Variants in GINM1 observed in about 807,000 individuals in gnomAD.
GINM1 encodes glycoprotein integral membrane protein 1.
A neutral mutation model predicts 37.8 loss-of-function variants in GINM1; 29 were observed. The observed-to-expected ratio is 0.77, with a 90% CI of 0.57 to 1.05. The LOEUF (loss-of-function observed/expected upper bound fraction) is 1.05. GINM1 is among the 50% of genes least tolerant of loss of function. GINM1 has a pLI of 0.00. For missense variants in GINM1, 377 were observed against 397.9 expected (o/e 0.95, Z 0.45); for synonymous variants, 143 against 146.2 (o/e 0.98, Z 0.16).
In GINM1 at chr6:149,566,420, G is replaced by A; in HGVS notation, c.6G>A (p.Glu2=). 6.4e-7 allele frequency: 1 copy of A among 1,568,984 alleles called. No individual in the cohort carries two copies. The highest frequency in any genetic ancestry group is 8.6e-7 in the Non-Finnish European group (1 of 1,168,320). Residue 2 remains glutamate (E), a synonymous_variant, in exon 1 of 8, where the codon GAG becomes GAA. Coordinates refer to ENST00000367419, the MANE Select transcript of GINM1 (RefSeq NM_138785.5). This position sits in a 1 kb window ranked among gnomAD's most constrained non-coding sequence, Gnocchi z 4.4. M[E]GAPPGSLALR... ...CTCTGCCCGGGTTGTCCAAGATGGA[G>A]GGCGCTCCACCGGGGTCGCTCGCCC... is the stretch of plus-strand genomic sequence containing the variant.
At chr6:149,588,686 G>A (rs928707179) in intron 7 of GINM1, among the ~76,000 whole-genome samples, 1 of 151,652 alleles carries the variant, frequency 6.6e-6, no homozygotes, top group Non-Finnish European at 1.5e-5. Context: ...TACAGTGGCA[G>A]TGCTATCAAG....
intron 5 of GINM1, 30 bp downstream of exon 5, chr6:149,580,020 T>A: frequency 7.3e-7 from 1 of 1,371,584 alleles, no homozygotes; most frequent in Non-Finnish European, 1.0e-6. Flanking sequence ...TTTAAAGTAT[T>A]AAGGAGATTA....
intron 4 of GINM1, 111 bp from the exon 5 acceptor site, chr6:149,579,723 G>T: frequency 4.9e-6 from 3 of 606,114 alleles, no homozygotes; most frequent in South Asian, 2.6e-5. Flanking sequence ...GTAATTGTCT[G>T]AATAGGACAC....
rs1470190583 is a variant in GINM1, at chr6:149,590,946, T to C, written c.*108T>C. Reference sequence around the variant, plus strand: ...AGAATCAGTTTATACACTAGAGAAATTGCTAAACTCTAAGACTGCCTGAAA... The same window carrying C: ...AGAATCAGTTTATACACTAGAGAAACTGCTAAACTCTAAGACTGCCTGAAA... On this transcript the variant is annotated 3_prime_UTR_variant, in exon 8 of 8. Coordinates refer to ENST00000367419, the MANE Select transcript of GINM1 (RefSeq NM_138785.5). 24 of 615,194 alleles carry C rather than the reference T, an allele frequency of 3.9e-5. No individual in the cohort carries two copies. In the East Asian group the frequency reaches 6.4e-4, roughly 16 times the overall value. 38.1% of individuals were successfully genotyped at this position (615,194 alleles called of 1,614,324 possible).
intron 3 of GINM1, 72 bp downstream of exon 3, chr6:149,572,675 GT>G (rs1777848253): frequency 1.0e-6 from 1 of 977,154 alleles, no homozygotes; most frequent in Admixed American, 1.9e-5. Context: ...GTTGTTGTTT[GT>G]TTTTTGAGAC....
chr6:149,575,336 T>A (rs539230499), intron 3 of GINM1, among the ~76,000 whole-genome samples: 1 of 152,256 alleles, frequency 6.6e-6, no homozygotes, highest in Non-Finnish European at 1.5e-5. Context: ...AACATCTCTT[T>A]GCCTTCATTT....
chr6:149,566,576 C>A lies in GINM1; in HGVS notation c.120+42C>A. ...CTGGCTGGCCGCTTTACGACTCCGACTCTCCGGGAGGCCCGGGCTGTCCAC... is the reference window on the plus strand; with the variant it reads ...CTGGCTGGCCGCTTTACGACTCCGAATCTCCGGGAGGCCCGGGCTGTCCAC... On this transcript the variant is annotated intron_variant, in intron 1 of 7. Coordinates refer to ENST00000367419, the MANE Select transcript of GINM1 (RefSeq NM_138785.5). This position sits in a 1 kb window ranked among gnomAD's most constrained non-coding sequence, Gnocchi z 4.4. 2 of 1,454,330 alleles carry A rather than the reference C, an allele frequency of 1.4e-6. No individual in the cohort carries two copies. Among genetic ancestry groups the A allele is most frequent in the South Asian group, 2.7e-5 (2 of 75,086 alleles). 90.1% of individuals were successfully genotyped at this position (1,454,330 alleles called of 1,614,324 possible).
intron 7 of GINM1, among the ~76,000 whole-genome samples, chr6:149,588,336 A>C (rs1438125832): frequency 6.6e-6 from 1 of 152,162 alleles, no homozygotes; most frequent in African/African-American, 2.4e-5. Context: ...TTCTCTCATG[A>C]CTTGCTTACG....
In GINM1 at chr6:149,582,430, C is replaced by T. The variant is rs755503170; in HGVS notation, c.718-10C>T. 7.5e-6 allele frequency: 12 copies of T among 1,596,834 alleles called. No individual in the cohort carries two copies. The South Asian group carries it at 1.3e-4, about 17-fold the overall frequency. On this transcript the variant is annotated splice_polypyrimidine_tract_variant and intron_variant, in intron 6 of 7. Transcript: ENST00000367419. ...GCAACTTGCATATCTAATCGAAATT[C>T]CTTTTTCAGGTAATGTGTCAGTGGA...
chr6:149,591,039 A>G lies in GINM1; in HGVS notation c.*201A>G, dbSNP rs1778147056. On this transcript the variant is annotated 3_prime_UTR_variant, in exon 8 of 8. Transcript: ENST00000367419. ...GCCGGGTGCAGTGGCTCATGCCTGT[A>G]ATCCCAGGACTTTGGGAGGCCAATG... The G allele has an allele frequency of 4.1e-6, 2 of 485,978 alleles. No homozygotes were observed. The highest frequency in any genetic ancestry group is 7.3e-6 in the Non-Finnish European group (2 of 274,898). 30.1% of individuals were successfully genotyped at this position (485,978 alleles called of 1,614,324 possible). A position where few individuals can be genotyped will look rare whatever the true frequency, so the allele number is the denominator to read the frequency against.
At chr6:149,568,426 C>G (rs1251957694) in intron 1 of GINM1, among the ~76,000 whole-genome samples, 1 of 152,222 alleles carries the variant, frequency 6.6e-6, no homozygotes, top group African/African-American at 2.4e-5. Flanking sequence ...TGTGTAAGTG[C>G]TGTCCAGTAG....
chr6:149,573,703 C>CA (rs535863513), intron 3 of GINM1, among the ~76,000 whole-genome samples: 14 of 151,476 alleles, frequency 9.2e-5, no homozygotes, highest in Admixed American at 9.2e-4. Context: ...CTTGTCTCTG[C>CA]AAAAAATACA....
chr6:149,585,662 G>A (rs1037698488), intron 7 of GINM1, among the ~76,000 whole-genome samples: 19 of 151,790 alleles, frequency 1.3e-4, no homozygotes, highest in African/African-American at 1.7e-4. Flanking sequence ...GCACAATCTC[G>A]GCTCGCTGCA....
intron 1 of GINM1, among the ~76,000 whole-genome samples, chr6:149,567,793 A>G (rs1272039412): frequency 1.3e-5 from 2 of 152,254 alleles, no homozygotes; most frequent in Non-Finnish European, 2.9e-5. Context: ...ATCTGAAATT[A>G]TATGTGGACC....
intron 1 of GINM1, among the ~76,000 whole-genome samples, chr6:149,567,309 A>G (rs1777736903): frequency 6.6e-6 from 1 of 152,194 alleles, no homozygotes; most frequent in Non-Finnish European, 1.5e-5. Flanking sequence ...TTTCAGTAGA[A>G]TGGTAGGGAA....
chr6:149,578,762 C>T (rs1777954293), intron 3 of GINM1, 60 bp from the exon 4 acceptor site: 1 of 1,144,156 alleles, frequency 8.7e-7, no homozygotes, highest in African/African-American at 1.5e-5. Flanking sequence ...AATAATCACA[C>T]TCACTCACAG....
intron 3 of GINM1, chr6:149,576,164 G>A (rs1015032862): frequency 6.6e-6 from 1 of 152,084 alleles, no homozygotes; most frequent in South Asian, 2.1e-4. Flanking sequence ...GGCTCAGCTG[G>A]GAAAAATCTG....
rs747382393 is a variant in GINM1, at chr6:149,579,967, C to A, written c.563C>A (p.Thr188Asn). 1 of 1,590,734 alleles carries A rather than the reference C, an allele frequency of 6.3e-7. No individual in the cohort carries two copies. The highest frequency in any genetic ancestry group is 8.5e-7 in the Non-Finnish European group (1 of 1,170,736). The change falls in exon 5 of 8, where the codon ACC becomes AAC. Residue 188 changes from threonine (T) to asparagine (N), a missense_variant. Coordinates refer to ENST00000367419, the MANE Select transcript of GINM1 (RefSeq NM_138785.5). ...SISRDSDILF[T>N]LPNLSKKESV... is the part of the protein sequence containing the mutation. ...TCTCGAGACAGTGACATTTTATTTA[C>A]CCTTCCTAACCTCTCCAAAAAAGGT...
At chr6:149,575,514 T>C (rs989435280) in intron 3 of GINM1, among the ~76,000 whole-genome samples, 2 of 152,258 alleles carry the variant, frequency 1.3e-5, no homozygotes, top group African/African-American at 2.4e-5. Flanking sequence ...CCACCTGTTC[T>C]GTCTGGGAGT....
Sources: gnomAD v4.1 joint callset for allele counts (sites outside exome capture counted in the v4.1 genomes callset) on GRCh38, gnomAD v4.1.1 for gene constraint, Gnocchi (gnomAD v3.1) non-coding constraint, MANE v1.5 for transcripts, NCBI Gene and HGNC (gene_info 2026-07-23, HGNC 2026-07-21) for gene names.